PTPRD: variants seen among roughly 807,000 people sequenced by gnomAD.
PTPRD encodes the protein protein tyrosine phosphatase receptor type D.
A neutral mutation model predicts 214.5 loss-of-function variants in PTPRD; 34 were observed. The ratio of observed to expected loss-of-function variants is 0.16; its 90% CI spans 0.12 to 0.21. The LOEUF is 0.21. PTPRD is among the 10% of genes least tolerant of loss of function. The pLI, the probability that PTPRD is intolerant of heterozygous loss-of-function variation, is 1.00. For synonymous variants in PTPRD, 1,128 were observed against 845.7 expected (o/e 1.33, Z -5.79); for missense variants, 2,545 against 2,398.7 (o/e 1.06, Z -1.27).
chr9:9,691,681 G>GT (rs2097273937), intron 7 of PTPRD, among the ~76,000 whole-genome samples: 1 of 151,936 alleles, frequency 6.6e-6, no homozygotes, highest in Non-Finnish European at 1.5e-5. Context: ...TATATTTTTA[G>GT]TTTTTTGAGG....
chr9:9,417,586 A>T (rs1414794276), intron 8 of PTPRD, among the ~76,000 whole-genome samples: 1 of 152,146 alleles, frequency 6.6e-6, no homozygotes, highest in African/African-American at 2.4e-5. Flanking sequence ...TCTTAAAAAA[A>T]TTGAAAGAAA....
At chr9:9,958,600 A>C (rs576915653) in intron 4 of PTPRD, among the ~76,000 whole-genome samples, 22 of 152,318 alleles carry the variant, frequency 1.4e-4, no homozygotes, top group African/African-American at 2.4e-5. Context: ...CAAACTGTTA[A>C]GATAATCAGA....
At chr9:10,410,285 AATATATAAT>A (rs143503014) in intron 2 of PTPRD, among the ~76,000 whole-genome samples, 117 of 141,048 alleles carry the variant, frequency 8.3e-4, no homozygotes, top group East Asian at 3.2e-3. Context: ...ACACACACAC[AATATATAAT>A]ATATATAATA....
chr9:10,464,510 TGAAGA>T, intron 2 of PTPRD, among the ~76,000 whole-genome samples: 1 of 131,094 alleles, frequency 7.6e-6, no homozygotes, highest in Non-Finnish European at 1.8e-5. Context: ...AAGATGAAGA[TGAAGA>T]GAACGAAAGA....
intron 9 of PTPRD, among the ~76,000 whole-genome samples, chr9:9,328,339 A>T (rs2040859936): frequency 6.6e-6 from 1 of 152,076 alleles, no homozygotes; most frequent in South Asian, 2.1e-4. Flanking sequence ...CACTTACATG[A>T]TTCACTTTTA....
intron 11 of PTPRD, among the ~76,000 whole-genome samples, chr9:8,786,748 G>A (rs1399120304): frequency 6.8e-6 from 1 of 146,758 alleles, no homozygotes; most frequent in East Asian, 2.0e-4. Flanking sequence ...AATCCTCAGG[G>A]AAAAAAAAGG....
chr9:8,562,757 A>C (rs2086914381), intron 14 of PTPRD, among the ~76,000 whole-genome samples: 1 of 152,164 alleles, frequency 6.6e-6, no homozygotes, highest in Admixed American at 6.5e-5. Context: ...TTTGAGGAGA[A>C]AATTTTAATG....
intron 2 of PTPRD, among the ~76,000 whole-genome samples, chr9:10,429,423 A>G (rs1221884432): frequency 6.6e-6 from 1 of 151,986 alleles, no homozygotes; most frequent in African/African-American, 2.4e-5. Context: ...AGCAAAATAT[A>G]GAATCAACCT....
intron 10 of PTPRD, among the ~76,000 whole-genome samples, chr9:9,149,320 C>A (rs1330342829): frequency 6.6e-6 from 1 of 152,082 alleles, no homozygotes; most frequent in African/African-American, 2.4e-5. Context: ...TTGTTATTGC[C>A]ATTATTAATT....
chr9:9,461,007 A>G (rs2093606483), intron 8 of PTPRD, among the ~76,000 whole-genome samples: 1 of 152,044 alleles, frequency 6.6e-6, no homozygotes, highest in African/African-American at 2.4e-5. Context: ...AAAGAATAAA[A>G]TTATGTCCTT....
intron 2 of PTPRD, among the ~76,000 whole-genome samples, chr9:10,366,248 G>C (rs2097514081): frequency 6.6e-6 from 1 of 152,100 alleles, no homozygotes; most frequent in African/African-American, 2.4e-5. Flanking sequence ...TCTCTTTCTG[G>C]AAACCCAACT....
At chr9:8,688,551 C>T (rs544995541) in intron 12 of PTPRD, among the ~76,000 whole-genome samples, 7 of 138,624 alleles carry the variant, frequency 5.0e-5, no homozygotes, top group East Asian at 2.1e-4. Context: ...GGCGATAGAG[C>T]GAGACTCTGT....
In PTPRD at chr9:9,483,196, G is replaced by T. The variant is rs145763752; in HGVS notation, c.-236-85714C>A. On this transcript the variant is annotated intron_variant, in intron 8 of 45. Transcript: ENST00000381196. The stretch of plus-strand genomic sequence containing the variant: ...AACATGACAGCAGAAAGACTCAGTG[G>T]AGACAGACCACTTTAATTTTTACTG... 9.2e-5 allele frequency among the ~76,000 whole-genome samples: 14 copies of T among 152,232 alleles called. No individual in the cohort carries two copies. In the East Asian group the frequency reaches 2.7e-3, roughly 29 times the overall value.
At chr9:8,876,618 G>C (rs1048467356) in intron 11 of PTPRD, among the ~76,000 whole-genome samples, 10 of 152,128 alleles carry the variant, frequency 6.6e-5, no homozygotes, top group Non-Finnish European at 1.3e-4. Flanking sequence ...AGAATTCATA[G>C]GTTCGTAAGT....
chr9:9,369,031 G>A (rs923897231), intron 9 of PTPRD, among the ~76,000 whole-genome samples: 5 of 151,940 alleles, frequency 3.3e-5, no homozygotes, highest in Admixed American at 6.6e-5. Context: ...TTGTCCTTGC[G>A]ATAGTTTGCT....
At chr9:8,948,985 G>C (rs952162123) in intron 11 of PTPRD, among the ~76,000 whole-genome samples, 1 of 151,858 alleles carries the variant, frequency 6.6e-6, no homozygotes, top group African/African-American at 2.4e-5. Context: ...TGTAGTCCCA[G>C]CACTTTGGCA....
At chr9:9,267,522 G>A (rs1327339906) in intron 9 of PTPRD, among the ~76,000 whole-genome samples, 1 of 150,962 alleles carries the variant, frequency 6.6e-6, no homozygotes, top group African/African-American at 2.4e-5. Flanking sequence ...GAAATTGAAG[G>A]AAACACTCAT....
At chr9:9,609,024 T>C (rs574582127) in intron 7 of PTPRD, among the ~76,000 whole-genome samples, 1 of 152,284 alleles carries the variant, frequency 6.6e-6, no homozygotes, top group South Asian at 2.1e-4. Flanking sequence ...AAATTCAAAA[T>C]GTATTATGTA....
intron 3 of PTPRD, among the ~76,000 whole-genome samples, chr9:10,318,451 G>A (rs1008005842): frequency 3.9e-5 from 6 of 151,970 alleles, no homozygotes; most frequent in African/African-American, 1.4e-4. Context: ...AGGGCCTCAG[G>A]TTCCCGTCAG....
Sources: gnomAD v4.1 joint callset for allele counts (sites outside exome capture counted in the v4.1 genomes callset) on GRCh38, gnomAD v4.1.1 for gene constraint, MANE v1.5 for transcripts, NCBI Gene and HGNC (gene_info 2026-07-23, HGNC 2026-07-21) for gene names.